The following CFAP57 variants were observed in gnomAD, a reference collection of about 807,000 sequenced individuals.
CFAP57 encodes the protein cilia- and flagella-associated protein 57.
CFAP57 carries 116 observed loss-of-function variants against 146.8 expected under a neutral mutation model. The observed-to-expected ratio is 0.79, with a 90% CI of 0.68 to 0.92. CFAP57 has a LOEUF of 0.92. CFAP57 is among the 40% of genes least tolerant of loss of function. The probability of loss-of-function intolerance (pLI) is 0.00; values close to 1 mark genes in which losing one functional copy is unlikely to be tolerated. For missense variants in CFAP57, 1,377 were observed against 1,527.2 expected (o/e 0.90, Z 1.64); for synonymous variants, 518 against 552.8 (o/e 0.94, Z 0.88).
At chr1:43,253,719 G>A (rs989522166) in intron 22 of CFAP57, among the ~76,000 whole-genome samples, 30 of 152,064 alleles carry the variant, frequency 2.0e-4, no homozygotes, top group Admixed American at 3.3e-4. Flanking sequence ...CTGTGCAGGC[G>A]GATCTGGGGG....
chr1:43,246,197 C>A (rs989679141), intron 22 of CFAP57, among the ~76,000 whole-genome samples: 2 of 152,140 alleles, frequency 1.3e-5, no homozygotes, highest in African/African-American at 4.8e-5. Flanking sequence ...TATGGAATAT[C>A]AAGGTACCCT....
At chr1:43,211,343 A>G (rs1251935567) in intron 11 of CFAP57, 1 of 152,190 alleles carries the variant, frequency 6.6e-6, no homozygotes, top group African/African-American at 2.4e-5. Context: ...TGGAAGCCCA[A>G]GGCGGGCAGA....
intron 2 of CFAP57, 109 bp from the exon 3 acceptor site, chr1:43,181,425 T>C (rs532004292): frequency 8.8e-5 from 117 of 1,331,164 alleles, no homozygotes; most frequent in South Asian, 5.7e-4. Context: ...GCCTTTCTTC[T>C]TTGTGTCCAC....
intron 10 of CFAP57, among the ~76,000 whole-genome samples, chr1:43,208,602 C>G (rs1276766656): frequency 6.6e-6 from 1 of 152,088 alleles, no homozygotes; most frequent in Non-Finnish European, 1.5e-5. Flanking sequence ...AATGAGAGCA[C>G]TTGGACACAG....
At chr1:43,225,788 C>T (rs1029627673) in intron 17 of CFAP57, among the ~76,000 whole-genome samples, 4 of 152,212 alleles carry the variant, frequency 2.6e-5, no homozygotes, top group African/African-American at 9.7e-5. Flanking sequence ...AAACCCAATA[C>T]TTGACAAAAG....
intron 18 of CFAP57, among the ~76,000 whole-genome samples, chr1:43,229,040 C>T (rs1645366084): frequency 6.7e-6 from 1 of 148,406 alleles, no homozygotes; most frequent in South Asian, 2.2e-4. Context: ...TTAGGTTTCA[C>T]CATTGGAATT....
At chr1:43,247,588 AAAT>A (rs1178215532) in intron 22 of CFAP57, among the ~76,000 whole-genome samples, 4 of 152,246 alleles carry the variant, frequency 2.6e-5, no homozygotes, top group Non-Finnish European at 5.9e-5. Context: ...CATTTGTTTA[AAAT>A]ATTTCTTATT....
rs988522190 is a variant in CFAP57, at chr1:43,221,412, A to G, written c.2288A>G (p.His763Arg). 9.1e-6 allele frequency: 14 copies of G among 1,544,862 alleles called. No individual in the cohort carries two copies. Among genetic ancestry groups the G allele is most frequent in the Non-Finnish European group, 1.1e-5 (13 of 1,143,852 alleles). ...TEKEKQDVYH[H>R]EHIEDLLDKQ... The stretch of plus-strand genomic sequence containing the variant: ...AAAGAGAAGCAGGATGTTTATCACC[A>G]TGAGCACATAGAAGACCTCCTAGAC... Residue 763 changes from histidine (H) to arginine (R), a missense_variant, in exon 14 of 23, where the codon CAT becomes CGT. By Grantham distance (29) the His-to-Arg change is conservative. Coordinates refer to ENST00000372492, the MANE Select transcript of CFAP57 (RefSeq NM_001378189.1).
At chr1:43,213,501 T>C (rs1469326211) in intron 11 of CFAP57, among the ~76,000 whole-genome samples, 1 of 82,368 alleles carries the variant, frequency 1.2e-5, no homozygotes, top group Non-Finnish European at 2.7e-5. Context: ...GTACAATAAA[T>C]ATGGGGGGGG....
intron 18 of CFAP57, 31 bp from the exon 19 acceptor site, chr1:43,232,477 C>A (rs1334009386): frequency 3.9e-6 from 6 of 1,527,742 alleles, no homozygotes; most frequent in Non-Finnish European, 5.3e-6. Flanking sequence ...TAACTTTCTT[C>A]TTCTTGACTC....
intron 18 of CFAP57, among the ~76,000 whole-genome samples, chr1:43,230,607 G>A (rs1645429402): frequency 6.6e-6 from 1 of 152,012 alleles, no homozygotes; most frequent in African/African-American, 2.4e-5. Flanking sequence ...GCAGAGATGC[G>A]CCAGGCTGCC....
rs774095287 is a variant in CFAP57, at chr1:43,209,932, T to C, written c.1929+16T>C. 9.3e-6 allele frequency: 15 copies of C among 1,614,158 alleles called. No individual in the cohort carries two copies. The highest frequency in any genetic ancestry group is 2.5e-6 in the Non-Finnish European group (3 of 1,180,000). ...TATCACCAAGGTGAGCAGGGCCCTCTCCCCAGGAACCCAGTCCCACACCTG... is the reference window on the plus strand; with the variant it reads ...TATCACCAAGGTGAGCAGGGCCCTCCCCCCAGGAACCCAGTCCCACACCTG... On this transcript the variant is annotated intron_variant, in intron 11 of 22. Transcript: ENST00000372492.
Position 43,199,444 on chromosome 1 carries a change from C to T in CFAP57, c.1483C>T (p.His495Tyr), listed in dbSNP as rs1256769996. ...TGCTGCAGTCAATGGAAATGTGATT[C>T]ACGTTTACACCACCACGAGCCTAGA... ...LFAAVNGNVI[H>Y]VYTTTSLENI... Residue 495 changes from histidine to tyrosine, a missense_variant, in exon 9 of 23, where the codon CAC becomes TAC. By Grantham distance (83) the His-to-Tyr change is moderately conservative. Transcript: ENST00000372492. The T allele has an allele frequency of 6.2e-6, 10 of 1,613,976 alleles. No homozygotes were observed. Among genetic ancestry groups the T allele is most frequent in the African/African-American group, 1.3e-5 (1 of 74,888 alleles).
In CFAP57 at chr1:43,180,052, C is replaced by G. The variant is rs543082456; in HGVS notation, c.158-1482C>G. On this transcript the variant is annotated intron_variant, in intron 2 of 22. Coordinates refer to ENST00000372492, the MANE Select transcript of CFAP57 (RefSeq NM_001378189.1). ...AGAAACCCTGTCTCTACTAAAAATA[C>G]AAAATTAGCCAGGCATGGTGGCACA... 1.1e-3 allele frequency among the ~76,000 whole-genome samples: 174 copies of G among 151,458 alleles called. 2 individuals are homozygous for G. Among genetic ancestry groups the G allele is most frequent in the African/African-American group, 4.1e-3 (168 of 41,280 alleles).
At chr1:43,184,211 C>T (rs1645544097) in intron 4 of CFAP57, among the ~76,000 whole-genome samples, 1 of 152,128 alleles carries the variant, frequency 6.6e-6, no homozygotes, top group South Asian at 2.1e-4. Context: ...TTGTAGTATG[C>T]AAAAGGCATC....
At chr1:43,210,492 T>A in intron 11 of CFAP57, 1 of 903,008 alleles carries the variant, frequency 1.1e-6, no homozygotes, top group Non-Finnish European at 1.4e-6. Flanking sequence ...ATACCCTGCC[T>A]AAAAAGGAAG....
chr1:43,210,435 A>C, intron 11 of CFAP57: 1 of 1,142,264 alleles, frequency 8.8e-7, no homozygotes. Flanking sequence ...GCATCCATCG[A>C]CAGACGAATG....
intron 9 of CFAP57, among the ~76,000 whole-genome samples, chr1:43,203,230 A>G (rs1362908958): frequency 6.6e-6 from 1 of 152,136 alleles, no homozygotes; most frequent in African/African-American, 2.4e-5. Flanking sequence ...CCTTTCTACA[A>G]AGAAAACTCT....
rs575777227 is a variant in CFAP57, at chr1:43,211,102, A to T, written c.1929+1186A>T. Among the ~76,000 whole-genome samples the T allele has an allele frequency of 5.3e-5, 8 of 152,244 alleles. No individual in the cohort carries two copies. The South Asian group carries it at 1.7e-3, about 32-fold the overall frequency. On this transcript the variant is annotated intron_variant, in intron 11 of 22. Transcript: ENST00000372492. ...AACTCCTTAGTGGCTTACCTGCAAC[A>T]CTAGCTGTATTAAGAAAAGGTTTCT...
Sources: gnomAD v4.1 joint callset for allele counts (sites outside exome capture counted in the v4.1 genomes callset) on GRCh38, gnomAD v4.1.1 for gene constraint, MANE v1.5 for transcripts, NCBI Gene and HGNC (gene_info 2026-07-23, HGNC 2026-07-21) for gene names.